ADAMTS19: variants seen among roughly 807,000 people sequenced by gnomAD.
The protein encoded by ADAMTS19 is A disintegrin and metalloproteinase with thrombospondin motifs 19.
A neutral mutation model predicts 153.3 loss-of-function variants in ADAMTS19; 93 were observed. The observed-to-expected ratio is 0.61, with a 90% CI of 0.51 to 0.72. The LOEUF (loss-of-function observed/expected upper bound fraction) is 0.72, where lower values mean the gene tolerates loss of function less well. ADAMTS19 is among the 30% of genes least tolerant of loss of function. The pLI is 0.00. For missense variants in ADAMTS19, 1,482 were observed against 1,552.1 expected (o/e 0.95, Z 0.76); for synonymous variants, 600 against 556.6 (o/e 1.08, Z -1.10).
intron 3 of ADAMTS19, among the ~76,000 whole-genome samples, chr5:129,512,982 T>C (rs1459705399): frequency 1.3e-5 from 2 of 151,972 alleles, no homozygotes; most frequent in East Asian, 3.9e-4. Context: ...CAGCTTTACA[T>C]TGATTAATTC....
At chr5:129,709,061 C>T (rs905738131) in intron 21 of ADAMTS19, among the ~76,000 whole-genome samples, 1 of 152,008 alleles carries the variant, frequency 6.6e-6, no homozygotes, top group African/African-American at 2.4e-5. Context: ...AAGGAAATCA[C>T]AATTATATTC....
intron 10 of ADAMTS19, among the ~76,000 whole-genome samples, chr5:129,624,054 G>A (rs534837150): frequency 2.0e-5 from 3 of 148,704 alleles, no homozygotes; most frequent in African/African-American, 7.5e-5. Context: ...GTGAACCTGG[G>A]AGGTGGAGCT....
intron 22 of ADAMTS19, among the ~76,000 whole-genome samples, 171 bp from the exon 23 acceptor site, chr5:129,736,896 T>C (rs1757688352): frequency 2.0e-5 from 3 of 152,122 alleles, no homozygotes; most frequent in Admixed American, 2.0e-4. Context: ...TACTTTTTAA[T>C]CATAGGAGGT....
intron 6 of ADAMTS19, among the ~76,000 whole-genome samples, chr5:129,533,487 C>T (rs958311268): frequency 6.6e-6 from 1 of 152,002 alleles, no homozygotes; most frequent in African/African-American, 2.4e-5. Context: ...TCTCTCTTTT[C>T]TTCTTCATTA....
intron 21 of ADAMTS19, among the ~76,000 whole-genome samples, chr5:129,723,656 T>C (rs955114130): frequency 6.6e-6 from 1 of 152,180 alleles, no homozygotes; most frequent in African/African-American, 2.4e-5. Context: ...CAATAAAAGA[T>C]TTATTTCATT....
chr5:129,570,982 A>C (rs547042442), intron 7 of ADAMTS19, among the ~76,000 whole-genome samples: 82 of 152,026 alleles, frequency 5.4e-4, no homozygotes, highest in African/African-American at 1.7e-3. Flanking sequence ...TTTAATGGTG[A>C]AAAAACGAAT....
intron 17 of ADAMTS19, among the ~76,000 whole-genome samples, 192 bp from the exon 18 acceptor site, chr5:129,683,912 TTTCAAAAGCATGGCAA>T (rs1280650353): frequency 6.6e-6 from 1 of 150,932 alleles, no homozygotes; most frequent in East Asian, 1.9e-4. Context: ...GCTCCAGTCT[TTTCAAAAGCATGGCAA>T]TATCTACATT....
At chr5:129,726,040 G>A (rs1321525297) in intron 21 of ADAMTS19, among the ~76,000 whole-genome samples, 1 of 152,114 alleles carries the variant, frequency 6.6e-6, no homozygotes, top group Non-Finnish European at 1.5e-5. Context: ...CTTTCCTTGT[G>A]TCTTGTTGTT....
intron 18 of ADAMTS19, among the ~76,000 whole-genome samples, chr5:129,685,985 GAGTT>G (rs1271278347): frequency 2.0e-5 from 3 of 152,188 alleles, no homozygotes; most frequent in African/African-American, 7.2e-5. Flanking sequence ...ATCTGGCTGA[GAGTT>G]AGGGTGGAAA....
Position 129,528,631 on chromosome 5 carries a change from T to TCG in ADAMTS19, c.1282_1283insCG (p.Trp428SerfsTer6), listed in dbSNP as rs1257167483. 3 of 1,604,082 alleles carry TCG rather than the reference T, an allele frequency of 1.9e-6. No individual in the cohort carries two copies. The highest frequency in any genetic ancestry group is 1.3e-5 in the African/African-American group (1 of 74,140). ...TATACATTTAGAGATGTCAACAAAC[T>TCG]GGGGGGAAGACATGACTTCAGTGGA... On this transcript the variant is annotated frameshift_variant, in exon 6 of 23. Transcript: ENST00000274487. LOFTEE classifies it high-confidence loss of function.
chr5:129,736,493 A>G (rs1306914062), intron 22 of ADAMTS19, among the ~76,000 whole-genome samples: 1 of 152,068 alleles, frequency 6.6e-6, no homozygotes, highest in Non-Finnish European at 1.5e-5. Flanking sequence ...CCAACTTCTC[A>G]TTTCAAACAC....
chr5:129,495,776 T>G (rs1337270091), intron 2 of ADAMTS19, among the ~76,000 whole-genome samples: 1 of 152,148 alleles, frequency 6.6e-6, no homozygotes, highest in African/African-American at 2.4e-5. Flanking sequence ...TGCATGGTCA[T>G]GCATGGACAT....
At chr5:129,656,789 TG>T (rs1430632065) in intron 14 of ADAMTS19, among the ~76,000 whole-genome samples, 1 of 152,250 alleles carries the variant, frequency 6.6e-6, no homozygotes, top group Non-Finnish European at 1.5e-5. Context: ...TTACAGACCT[TG>T]TAATATCCTA....
At chr5:129,679,666 T>C in intron 16 of ADAMTS19, 98 bp from the exon 17 acceptor site, 1 of 1,110,046 alleles carries the variant, frequency 9.0e-7, no homozygotes. Flanking sequence ...CATTTGTTTG[T>C]AAATAAATGG....
chr5:129,574,042 C>T (rs1040543450), intron 7 of ADAMTS19, among the ~76,000 whole-genome samples: 1 of 151,936 alleles, frequency 6.6e-6, no homozygotes, highest in African/African-American at 2.4e-5. Flanking sequence ...TAAGCATCTA[C>T]TAAGTACCAC....
chr5:129,670,029 G>T lies in ADAMTS19; in HGVS notation c.2506+4450G>T, dbSNP rs150783048. Among the ~76,000 whole-genome samples the T allele has an allele frequency of 1.2e-4, 19 of 152,196 alleles. No individual in the cohort carries two copies. In the East Asian group the frequency reaches 3.5e-3, roughly 28 times the overall value. ...CACTAATTTCTATCCAGTAGTTCAT[G>T]TAAAAACTGACAGTCTTCCTTGATC... is the stretch of plus-strand genomic sequence containing the variant. On this transcript the variant is annotated intron_variant, in intron 16 of 22. Transcript: ENST00000274487.
chr5:129,479,003 T>G (rs758196117), intron 2 of ADAMTS19, among the ~76,000 whole-genome samples: 2 of 152,212 alleles, frequency 1.3e-5, no homozygotes, highest in East Asian at 3.8e-4. Context: ...CCATAAGGTA[T>G]GGCAAATTTT....
intron 15 of ADAMTS19, among the ~76,000 whole-genome samples, chr5:129,660,675 T>G (rs1463083324): frequency 1.3e-5 from 2 of 152,190 alleles, no homozygotes; most frequent in African/African-American, 4.8e-5. Context: ...TTATTCCACT[T>G]TAATTTCTAC....
In ADAMTS19 at chr5:129,670,054, C is replaced by A. The variant is rs139408770; in HGVS notation, c.2506+4475C>A. ...GTAAAAACTGACAGTCTTCCTTGATCCTTCACTTTCTTTACTGCTCTAATG... is the reference window on the plus strand; with the variant it reads ...GTAAAAACTGACAGTCTTCCTTGATACTTCACTTTCTTTACTGCTCTAATG... On this transcript the variant is annotated intron_variant, in intron 16 of 22. Transcript: ENST00000274487. Among the ~76,000 whole-genome samples the A allele has an allele frequency of 2.1e-3, 326 of 152,200 alleles. 1 individual carries two copies. Among genetic ancestry groups the A allele is most frequent in the African/African-American group, 6.9e-3 (285 of 41,542 alleles).
Sources: gnomAD v4.1 joint callset for allele counts (sites outside exome capture counted in the v4.1 genomes callset) on GRCh38, gnomAD v4.1.1 for gene constraint, MANE v1.5 for transcripts, NCBI Gene and HGNC (gene_info 2026-07-23, HGNC 2026-07-21) for gene names.